BABAM2: variants seen among roughly 807,000 people sequenced by gnomAD.
The protein encoded by BABAM2 is BRISC and BRCA1 A complex member 2, also known as BRISC and BRCA1-A complex member 2.
Under a neutral mutation model 54.7 loss-of-function variants are expected in BABAM2, and 31 were observed. The observed-to-expected ratio is 0.57, with a 90% CI of 0.43 to 0.77. BABAM2 has a LOEUF of 0.77. BABAM2 is among the 30% of genes least tolerant of loss of function. BABAM2 has a pLI of 0.00. For synonymous variants in BABAM2, 167 were observed against 162.9 expected, an observed-to-expected ratio of 1.03 and a Z score of -0.19; for missense variants, 364 against 455.8, an observed-to-expected ratio of 0.80 and a Z score of 1.83.
chr2:28,221,388 G>T lies in BABAM2; in HGVS notation c.681-15814G>T, dbSNP rs529575550. On this transcript the variant is annotated intron_variant, in intron 7 of 11. Coordinates refer to ENST00000379624, the MANE Select transcript of BABAM2 (RefSeq NM_199191.3). ...TGATTTACTGAGAAACACGAAGTACGTCGATTTAGTATGTTTGCAGTGTTG... is the reference window on the plus strand; with the variant it reads ...TGATTTACTGAGAAACACGAAGTACTTCGATTTAGTATGTTTGCAGTGTTG... Among the ~76,000 whole-genome samples the T allele has an allele frequency of 2.6e-5, 4 of 152,298 alleles. 1 individual carries two copies. The South Asian group carries it at 8.3e-4, about 32-fold the overall frequency.
At chr2:28,207,380 G>A (rs536584338) in intron 7 of BABAM2, among the ~76,000 whole-genome samples, 42 of 151,124 alleles carry the variant, frequency 2.8e-4, no homozygotes, top group Non-Finnish European at 3.1e-4. Context: ...ATGCTTCTGG[G>A]AAAAACAGCA....
intron 6 of BABAM2, among the ~76,000 whole-genome samples, chr2:28,076,079 C>T (rs922985151): frequency 1.3e-5 from 2 of 151,990 alleles, no homozygotes; most frequent in African/African-American, 4.8e-5. Flanking sequence ...GCCTGTGCAA[C>T]ATAAGGAGAC....
At chr2:28,104,146 A>T (rs1045918440) in intron 6 of BABAM2, among the ~76,000 whole-genome samples, 7 of 152,188 alleles carry the variant, frequency 4.6e-5, no homozygotes, top group Non-Finnish European at 8.8e-5. Flanking sequence ...GGACTTCATG[A>T]CTAAAACACC....
At chr2:28,117,846 CA>C (rs1668739469) in intron 6 of BABAM2, among the ~76,000 whole-genome samples, 1 of 152,230 alleles carries the variant, frequency 6.6e-6, no homozygotes, top group Admixed American at 6.5e-5. Flanking sequence ...ATCAGGCAAG[CA>C]ATATCACATA....
chr2:28,210,874 C>G (rs1447303047), intron 7 of BABAM2, among the ~76,000 whole-genome samples: 1 of 152,132 alleles, frequency 6.6e-6, no homozygotes, highest in Non-Finnish European at 1.5e-5. Flanking sequence ...CTAAACAAAA[C>G]ATTTTAAACA....
chr2:27,942,078 T>C (rs1193256543), intron 3 of BABAM2, among the ~76,000 whole-genome samples: 1 of 152,144 alleles, frequency 6.6e-6, no homozygotes, highest in Non-Finnish European at 1.5e-5. Context: ...TGCTTCCCCA[T>C]CTCCGATCTA....
At chr2:28,321,837 G>A (rs1053612357) in intron 11 of BABAM2, among the ~76,000 whole-genome samples, 1 of 151,920 alleles carries the variant, frequency 6.6e-6, no homozygotes, top group Non-Finnish European at 1.5e-5. Context: ...TGCTTGGAGA[G>A]GAGGAGGATT....
chr2:27,894,709 A>G (rs764052696), intron 2 of BABAM2, 25 bp downstream of exon 2: 57 of 1,613,392 alleles, frequency 3.5e-5, no homozygotes, highest in Non-Finnish European at 4.6e-5. Flanking sequence ...GAATTCAGTC[A>G]ATGTACCAGA....
chr2:28,147,764 C>T (rs139617798), intron 7 of BABAM2, among the ~76,000 whole-genome samples: 17 of 152,310 alleles, frequency 1.1e-4, no homozygotes, highest in African/African-American at 3.4e-4. Flanking sequence ...TGAGCCACTG[C>T]GCCCGGCCTC....
chr2:28,266,824 A>C (rs532375694), intron 10 of BABAM2, among the ~76,000 whole-genome samples: 2 of 152,146 alleles, frequency 1.3e-5, no homozygotes, highest in Admixed American at 1.3e-4. Flanking sequence ...AAAACTTTTT[A>C]TTTTGGGATA....
chr2:28,152,498 A>T (rs1284064784), intron 7 of BABAM2, among the ~76,000 whole-genome samples: 1 of 152,168 alleles, frequency 6.6e-6, no homozygotes, highest in Non-Finnish European at 1.5e-5. Context: ...GCAGGAGCTG[A>T]TAACGGGAAG....
chr2:28,088,381 T>G (rs1224395382), intron 6 of BABAM2, among the ~76,000 whole-genome samples: 1 of 152,222 alleles, frequency 6.6e-6, no homozygotes, highest in Non-Finnish European at 1.5e-5. Flanking sequence ...AGGTGGTGAC[T>G]GCCATAGTTC....
intron 7 of BABAM2, among the ~76,000 whole-genome samples, chr2:28,155,341 G>C (rs1045174238): frequency 1.3e-5 from 2 of 152,078 alleles, no homozygotes; most frequent in African/African-American, 4.8e-5. Flanking sequence ...ATAAAATGAA[G>C]AACAGTTAGT....
chr2:28,043,015 C>T (rs896593607), intron 5 of BABAM2, among the ~76,000 whole-genome samples: 42 of 151,098 alleles, frequency 2.8e-4, no homozygotes, highest in African/African-American at 1.0e-3. Context: ...CAGAGTGAGA[C>T]TCCGTCTCAA....
In BABAM2 at chr2:27,906,707, G is replaced by A. The variant is rs1331815113; in HGVS notation, c.128+12023G>A. On this transcript the variant is annotated intron_variant, in intron 2 of 11. Transcript: ENST00000379624. ...GACTTCATTTGGTATGGAGGTTGAT[G>A]TAGGGGAAGAAGTGAAGGGAGGTAG... Among the ~76,000 whole-genome samples, 4 of 152,244 alleles carry A rather than the reference G, an allele frequency of 2.6e-5. No homozygotes were observed. In the East Asian group the frequency reaches 5.8e-4, roughly 22 times the overall value.
chr2:27,950,447 G>A (rs947874710), intron 3 of BABAM2, among the ~76,000 whole-genome samples: 5 of 152,052 alleles, frequency 3.3e-5, no homozygotes, highest in African/African-American at 4.8e-5. Flanking sequence ...TAATATGGTG[G>A]TTTTCATTCA....
At chr2:28,159,612 G>A (rs372502273) in intron 7 of BABAM2, among the ~76,000 whole-genome samples, 1 of 152,158 alleles carries the variant, frequency 6.6e-6, no homozygotes, top group Non-Finnish European at 1.5e-5. Flanking sequence ...GGATGCAGTG[G>A]CTCACACCTG....
chr2:28,205,055 A>G, intron 7 of BABAM2, among the ~76,000 whole-genome samples: 1 of 151,336 alleles, frequency 6.6e-6, no homozygotes, highest in Non-Finnish European at 1.5e-5. Context: ...AACCTGGATC[A>G]CTGGGTCATT....
At chr2:28,284,491 A>G (rs900276723) in intron 10 of BABAM2, among the ~76,000 whole-genome samples, 1 of 152,140 alleles carries the variant, frequency 6.6e-6, no homozygotes, top group African/African-American at 2.4e-5. Flanking sequence ...AGAATATTGC[A>G]TGATCAAAGC....
Sources: gnomAD v4.1 joint callset for allele counts (sites outside exome capture counted in the v4.1 genomes callset) on GRCh38, gnomAD v4.1.1 for gene constraint, MANE v1.5 for transcripts, NCBI Gene and HGNC (gene_info 2026-07-23, HGNC 2026-07-21) for gene names.